The following KCNH8 variants were observed in gnomAD, a reference collection of about 807,000 sequenced individuals.
KCNH8 encodes voltage-gated delayed rectifier potassium channel KCNH8.
A neutral mutation model predicts 103.6 loss-of-function variants in KCNH8; 70 were observed. That is an observed-to-expected ratio of 0.68 (90% confidence interval 0.56 to 0.82). The LOEUF (loss-of-function observed/expected upper bound fraction) is 0.82, where lower values mean the gene tolerates loss of function less well. Among genes scored for constraint, KCNH8 ranks in the 40% least tolerant of loss-of-function variants. The probability of loss-of-function intolerance (pLI) is 0.00; values close to 1 mark genes in which losing one functional copy is unlikely to be tolerated. For missense variants in KCNH8, 1,217 were observed against 1,329.9 expected (o/e 0.92, Z 1.32); for synonymous variants, 498 against 489.4 (o/e 1.02, Z -0.23).
chr3:19,327,372 C>T (rs1044733159), intron 3 of KCNH8, among the ~76,000 whole-genome samples: 31 of 152,318 alleles, frequency 2.0e-4, no homozygotes, highest in Non-Finnish European at 3.8e-4. Flanking sequence ...TCACTGCAGC[C>T]TTCGTCTCCT....
At chr3:19,360,445 C>T (rs1208058211) in intron 5 of KCNH8, among the ~76,000 whole-genome samples, 1 of 151,978 alleles carries the variant, frequency 6.6e-6, no homozygotes, top group African/African-American at 2.4e-5. Context: ...ATCGTTAACA[C>T]AATTACTCAT....
intron 1 of KCNH8, among the ~76,000 whole-genome samples, chr3:19,193,155 A>G (rs1056225345): frequency 6.6e-6 from 1 of 151,750 alleles, no homozygotes; most frequent in Non-Finnish European, 1.5e-5. Flanking sequence ...AGATTTTCAA[A>G]TACATGCCAT....
At chr3:19,308,408 A>T (rs1024156215) in intron 3 of KCNH8, among the ~76,000 whole-genome samples, 2 of 151,796 alleles carry the variant, frequency 1.3e-5, no homozygotes, top group African/African-American at 4.8e-5. Context: ...CTGAGTAGTT[A>T]TATTTCCTGA....
At chr3:19,191,252 C>T (rs941906999) in intron 1 of KCNH8, among the ~76,000 whole-genome samples, 4 of 151,732 alleles carry the variant, frequency 2.6e-5, no homozygotes, top group Admixed American at 6.6e-5. Flanking sequence ...CATTCTTTAA[C>T]GTTCCTGCTA....
intron 2 of KCNH8, among the ~76,000 whole-genome samples, chr3:19,261,853 T>G (rs1284217661): frequency 6.6e-6 from 1 of 151,824 alleles, no homozygotes; most frequent in African/African-American, 2.4e-5. Flanking sequence ...CCAGTATCAT[T>G]TATTGAAGAG....
chr3:19,419,411 A>G (rs1237291672), intron 7 of KCNH8, among the ~76,000 whole-genome samples: 3 of 151,516 alleles, frequency 2.0e-5, no homozygotes, highest in Non-Finnish European at 2.9e-5. Flanking sequence ...CGTGTTAGCC[A>G]GGATGGTCTC....
At chr3:19,466,618 T>G (rs1461571146) in intron 11 of KCNH8, among the ~76,000 whole-genome samples, 1 of 147,332 alleles carries the variant, frequency 6.8e-6, no homozygotes, top group Non-Finnish European at 1.5e-5. Flanking sequence ...TACTGCAGAC[T>G]CAGATGATTG....
chr3:19,214,847 C>A (rs77243437), intron 1 of KCNH8, among the ~76,000 whole-genome samples: 10,376 of 152,280 alleles, frequency 0.068, 1,229 homozygotes, highest in African/African-American at 0.23. Context: ...AGTTAAGATA[C>A]TCTTTCACCT....
At chr3:19,419,195 G>GTTTTTTTTTTTTTTTTT (rs1559318835) in intron 7 of KCNH8, among the ~76,000 whole-genome samples, 2 of 128,752 alleles carry the variant, frequency 1.6e-5, no homozygotes, top group African/African-American at 5.8e-5. Context: ...AATGGTTTTG[G>GTTTTTTTTTTTTTTTTT]TTTTTTTTTT....
intron 11 of KCNH8, among the ~76,000 whole-genome samples, chr3:19,501,988 G>C (rs967692857): frequency 1.3e-5 from 2 of 151,992 alleles, no homozygotes; most frequent in African/African-American, 4.8e-5. Flanking sequence ...AATTGTCTCT[G>C]TTTGCAGATG....
intron 2 of KCNH8, among the ~76,000 whole-genome samples, chr3:19,263,060 C>A (rs891204376): frequency 6.6e-6 from 1 of 151,952 alleles, no homozygotes; most frequent in Admixed American, 6.6e-5. Context: ...AAATGGTAGC[C>A]TTGGCAGCAA....
At chr3:19,398,488 C>T (rs2125136750) in intron 7 of KCNH8, among the ~76,000 whole-genome samples, 1 of 151,976 alleles carries the variant, frequency 6.6e-6, no homozygotes, top group South Asian at 2.1e-4. Context: ...GGTAGAAAGG[C>T]AATGAGGCCA....
chr3:19,357,355 G>A (rs1487330672), intron 5 of KCNH8, among the ~76,000 whole-genome samples: 1 of 151,778 alleles, frequency 6.6e-6, no homozygotes, highest in African/African-American at 2.4e-5. Context: ...AAGAAAATGT[G>A]GATGGCCAAG....
intron 3 of KCNH8, among the ~76,000 whole-genome samples, chr3:19,324,359 G>A (rs2065391804): frequency 1.3e-5 from 2 of 152,148 alleles, no homozygotes; most frequent in South Asian, 4.1e-4. Flanking sequence ...AAGGAAGCAG[G>A]AAAGAAAGAA....
intron 3 of KCNH8, among the ~76,000 whole-genome samples, chr3:19,311,000 A>G (rs1428687277): frequency 6.6e-6 from 1 of 151,738 alleles, no homozygotes; most frequent in African/African-American, 2.4e-5. Flanking sequence ...TCATACTGCT[A>G]CACTTCAGCA....
rs1251044827 is a variant in KCNH8, at chr3:19,351,040, A to G, written c.811+3075A>G. ...ATAAACAGCATAGAGAAGACCTTAA[A>G]TGACCTGATGGAGCTGAAAACCATG... On this transcript the variant is annotated intron_variant, in intron 5 of 15. Transcript: ENST00000328405. 2.6e-5 allele frequency among the ~76,000 whole-genome samples: 4 copies of G among 152,142 alleles called. No homozygotes were observed. The East Asian group carries it at 7.7e-4, about 29-fold the overall frequency.
intron 3 of KCNH8, among the ~76,000 whole-genome samples, chr3:19,299,458 C>A (rs2065037094): frequency 6.6e-6 from 1 of 151,832 alleles, no homozygotes; most frequent in Non-Finnish European, 1.5e-5. Context: ...AGTGAGACCC[C>A]CATCTCCGAA....
chr3:19,346,892 G>T (rs567338840), intron 4 of KCNH8, among the ~76,000 whole-genome samples: 25 of 152,144 alleles, frequency 1.6e-4, no homozygotes, highest in Non-Finnish European at 2.8e-4. Context: ...ACATGCTATT[G>T]TTGGGCCTCC....
At chr3:19,182,745 C>T (rs747098273) in intron 1 of KCNH8, among the ~76,000 whole-genome samples, 3 of 152,110 alleles carry the variant, frequency 2.0e-5, no homozygotes, top group African/African-American at 7.2e-5. Context: ...TAAGTAAGAA[C>T]AGAATGAGTT....
Sources: allele counts gnomAD v4.1 joint callset (sites outside exome capture counted in the v4.1 genomes callset), GRCh38; gene constraint gnomAD v4.1.1; transcripts MANE v1.5; gene names NCBI Gene and HGNC (gene_info 2026-07-23, HGNC 2026-07-21).